The following RAD18 variants were observed in gnomAD, a reference collection of about 807,000 sequenced individuals.
The protein encoded by RAD18 is E3 ubiquitin-protein ligase RAD18.
RAD18 carries 47 observed loss-of-function variants against 60.4 expected under a neutral mutation model. The observed-to-expected ratio is 0.78, with a 90% CI of 0.62 to 0.99. RAD18 has a LOEUF of 0.99. Among genes scored for constraint, RAD18 ranks in the 50% least tolerant of loss-of-function variants. The probability of loss-of-function intolerance (pLI) is 0.00; values close to 1 mark genes in which losing one functional copy is unlikely to be tolerated. For missense variants in RAD18, 640 were observed against 593.3 expected (o/e 1.08, Z -0.82); for synonymous variants, 225 against 195.5 (o/e 1.15, Z -1.26).
intron 7 of RAD18, among the ~76,000 whole-genome samples, chr3:8,917,966 G>A (rs934536507): frequency 5.3e-5 from 8 of 152,164 alleles, no homozygotes; most frequent in Admixed American, 5.2e-4. Flanking sequence ...ACCTGGAGGA[G>A]CTTTATTAAT....
chr3:8,959,083 T>TAA, intron 1 of RAD18, 82 bp from the exon 2 acceptor site: 49 of 928,004 alleles, frequency 5.3e-5, no homozygotes, highest in South Asian at 6.2e-5. Context: ...CTCTATCCCC[T>TAA]AAAAAAAAAA....
At chr3:8,949,674 A>AGG (rs35685771) in intron 2 of RAD18, among the ~76,000 whole-genome samples, 10,815 of 152,120 alleles carry the variant, frequency 0.071, 791 homozygotes, top group African/African-American at 0.18. Flanking sequence ...GGAGAGAGAG[A>AGG]GGGGGGTAAT....
At chr3:8,927,956 T>A (rs1940472789) in intron 7 of RAD18, among the ~76,000 whole-genome samples, 1 of 150,024 alleles carries the variant, frequency 6.7e-6, no homozygotes, top group Non-Finnish European at 1.5e-5. Context: ...ATATACCTAA[T>A]GTAAATGACG....
chr3:8,938,802 C>G (rs1940696095), intron 6 of RAD18, among the ~76,000 whole-genome samples: 1 of 152,212 alleles, frequency 6.6e-6, no homozygotes, highest in African/African-American at 2.4e-5. Flanking sequence ...TTTCTCCCTT[C>G]ATCACCAGAC....
At chr3:8,948,162 C>G (rs1940865821) in intron 3 of RAD18, among the ~76,000 whole-genome samples, 1 of 152,206 alleles carries the variant, frequency 6.6e-6, no homozygotes, top group African/African-American at 2.4e-5. Flanking sequence ...TATTTACCTT[C>G]TGCACAAATA....
intron 10 of RAD18, among the ~76,000 whole-genome samples, chr3:8,901,595 G>A (rs1452534815): frequency 6.6e-6 from 1 of 152,106 alleles, no homozygotes; most frequent in Non-Finnish European, 1.5e-5. Context: ...CCTGGAATGG[G>A]CAAACTCATA....
At chr3:8,911,440 T>G (rs1940103850) in intron 9 of RAD18, among the ~76,000 whole-genome samples, 1 of 152,218 alleles carries the variant, frequency 6.6e-6, no homozygotes, top group Admixed American at 6.5e-5. Flanking sequence ...GAAAAATCAC[T>G]CTGACATCCT....
intron 9 of RAD18, among the ~76,000 whole-genome samples, chr3:8,904,811 T>C (rs1023834872): frequency 6.6e-6 from 1 of 152,216 alleles, no homozygotes; most frequent in Non-Finnish European, 1.5e-5. Flanking sequence ...CTAAGGCCAT[T>C]CCACTGTACA....
chr3:8,887,600 C>T (rs1939591052), intron 12 of RAD18, among the ~76,000 whole-genome samples: 1 of 152,216 alleles, frequency 6.6e-6, no homozygotes, highest in Non-Finnish European at 1.5e-5. Context: ...TATCCGCCAC[C>T]TCAGACAGCT....
chr3:8,889,877 T>C (rs1939653744), intron 12 of RAD18, among the ~76,000 whole-genome samples: 2 of 152,234 alleles, frequency 1.3e-5, no homozygotes, highest in Non-Finnish European at 1.5e-5. Context: ...AGCTGCATTA[T>C]GGCAATTACG....
chr3:8,892,611 C>T (rs111275155), intron 11 of RAD18, among the ~76,000 whole-genome samples: 1 of 152,226 alleles, frequency 6.6e-6, no homozygotes, highest in South Asian at 2.1e-4. Context: ...CACACCTTGG[C>T]CAAGCTGGTT....
intron 1 of RAD18, among the ~76,000 whole-genome samples, chr3:8,960,973 C>G (rs1941087354): frequency 6.6e-6 from 1 of 152,144 alleles, no homozygotes; most frequent in African/African-American, 2.4e-5. Flanking sequence ...ATGCCAAAAT[C>G]TTCCATTATT....
chr3:8,947,217 T>C lies in RAD18; in HGVS notation c.266+3A>G, dbSNP rs1452650905. On this transcript the variant is annotated splice_donor_region_variant and intron_variant, in intron 4 of 12. Coordinates refer to ENST00000264926, the MANE Select transcript of RAD18 (RefSeq NM_020165.4). ...AGAGGTTAGTCACAAAATTAAATCA[T>C]ACCGTGCAAAATTCAAGCTTTTTAC... The C allele has an allele frequency of 3.8e-6, 6 of 1,591,988 alleles. No homozygotes were observed. Among genetic ancestry groups the C allele is most frequent in the Non-Finnish European group, 5.2e-6 (6 of 1,160,760 alleles).
At chr3:8,926,308 A>G (rs1176340775) in intron 7 of RAD18, among the ~76,000 whole-genome samples, 1 of 152,222 alleles carries the variant, frequency 6.6e-6, no homozygotes, top group East Asian at 1.9e-4. Context: ...CCCATTCACA[A>G]TTGCTTCAAA....
Position 8,947,305 on chromosome 3 carries a change from C to A in RAD18, c.196-15G>T, listed in dbSNP as rs371038636. On this transcript the variant is annotated splice_polypyrimidine_tract_variant and intron_variant, in intron 3 of 12. Coordinates refer to ENST00000264926, the MANE Select transcript of RAD18 (RefSeq NM_020165.4). The stretch of plus-strand genomic sequence containing the variant: ...TCTGTGACAGTCTAGAAAAAACAAA[C>A]AACAGATGGAAAAAGGTCAAAAACA... The A allele has an allele frequency of 6.3e-7, 1 of 1,576,040 alleles. No homozygotes were observed. The highest frequency in any genetic ancestry group is 8.7e-7 in the Non-Finnish European group (1 of 1,148,564).
rs577555597 is a variant in RAD18 at position 8,931,924 on chromosome 3, T to C, written c.889+3947A>G. The stretch of plus-strand genomic sequence containing the variant: ...GGATAGTCTTTTTAACAAATGGTGC[T>C]GAAAAACTAGATATACATATTTTTT... On this transcript the variant is annotated intron_variant, in intron 7 of 12. Coordinates refer to ENST00000264926, the MANE Select transcript of RAD18 (RefSeq NM_020165.4). 2.6e-5 allele frequency among the ~76,000 whole-genome samples: 4 copies of C among 152,336 alleles called. No individual in the cohort carries two copies. In the South Asian group the frequency reaches 8.3e-4, roughly 32 times the overall value.
intron 7 of RAD18, among the ~76,000 whole-genome samples, chr3:8,930,462 T>C (rs1940533766): frequency 6.6e-6 from 1 of 152,128 alleles, no homozygotes; most frequent in Admixed American, 6.5e-5. Context: ...AACAAAATGT[T>C]CTAAAATTTA....
At chr3:8,923,028 C>T (rs925329883) in intron 7 of RAD18, among the ~76,000 whole-genome samples, 1 of 152,194 alleles carries the variant, frequency 6.6e-6, no homozygotes, top group South Asian at 2.1e-4. Flanking sequence ...CAAAGGAATG[C>T]AGCTCCTCAC....
At chr3:8,940,089 T>C (rs1940722114) in intron 5 of RAD18, among the ~76,000 whole-genome samples, 1 of 152,232 alleles carries the variant, frequency 6.6e-6, no homozygotes, top group Non-Finnish European at 1.5e-5. Flanking sequence ...GGTAGTTTAA[T>C]AATTTATTGA....
Sources: allele counts gnomAD v4.1 joint callset (sites outside exome capture counted in the v4.1 genomes callset), GRCh38; gene constraint gnomAD v4.1.1; transcripts MANE v1.5; gene names NCBI Gene and HGNC (gene_info 2026-07-23, HGNC 2026-07-21).